WWOX: variants seen among roughly 807,000 people sequenced by gnomAD.
The protein encoded by WWOX is WW domain-containing oxidoreductase.
WWOX carries 69 observed loss-of-function variants against 46.2 expected under a neutral mutation model. The observed-to-expected ratio is 1.49, with a 90% CI of 1.23 to 1.82. WWOX has a LOEUF of 1.82. Ranked by LOEUF, WWOX falls within the 40% of genes most tolerant of loss-of-function variation. The probability of loss-of-function intolerance (pLI) is 0.00; values close to 1 mark genes in which losing one functional copy is unlikely to be tolerated. For synonymous variants in WWOX, 359 were observed against 202.6 expected (o/e 1.77, Z -6.56); for missense variants, 919 against 542.6 (o/e 1.69, Z -6.89).
rs116504601 is a variant in WWOX at position 78,540,818 on chromosome 16, G to A, written c.1056+108066G>A. Among the ~76,000 whole-genome samples the A allele has an allele frequency of 2.0e-3, 312 of 152,220 alleles. 2 individuals carry two copies. The highest frequency in any genetic ancestry group is 6.7e-3 in the African/African-American group (277 of 41,526). ...CTTCCCACCTCAGCCTGAGTAGATG[G>A]GACTACAGGCATGTGTCACCATGCC... On this transcript the variant is annotated intron_variant, in intron 8 of 8. Coordinates refer to ENST00000566780, the MANE Select transcript of WWOX (RefSeq NM_016373.4).
At chr16:78,955,208 C>G (rs1311239361) in intron 8 of WWOX, among the ~76,000 whole-genome samples, 6 of 152,302 alleles carry the variant, frequency 3.9e-5, no homozygotes, top group Non-Finnish European at 5.9e-5. Flanking sequence ...GGGCCATATG[C>G]TAGAGCTGCA....
chr16:78,814,365 A>C (rs540877910), intron 8 of WWOX, among the ~76,000 whole-genome samples: 54 of 152,156 alleles, frequency 3.5e-4, no homozygotes, highest in Admixed American at 5.2e-4. Context: ...TATTAATTCA[A>C]ATCATATTCA....
At chr16:78,611,433 T>G (rs528713028) in intron 8 of WWOX, among the ~76,000 whole-genome samples, 2 of 152,286 alleles carry the variant, frequency 1.3e-5, no homozygotes, top group African/African-American at 4.8e-5. Context: ...AATTCTTTGG[T>G]GCATTTTATT....
At chr16:78,172,835 A>G (rs1409087953) in intron 5 of WWOX, among the ~76,000 whole-genome samples, 1 of 152,188 alleles carries the variant, frequency 6.6e-6, no homozygotes, top group Non-Finnish European at 1.5e-5. Context: ...TAGTTTGAAG[A>G]GACGGATTTC....
intron 8 of WWOX, among the ~76,000 whole-genome samples, chr16:78,783,686 G>T (rs2050384412): frequency 6.6e-6 from 1 of 151,094 alleles, no homozygotes; most frequent in Admixed American, 6.6e-5. Context: ...ATAAAAGTAT[G>T]ATGATGATGA....
At chr16:78,175,603 G>A (rs2035317845) in intron 5 of WWOX, among the ~76,000 whole-genome samples, 1 of 152,152 alleles carries the variant, frequency 6.6e-6, no homozygotes, top group South Asian at 2.1e-4. Flanking sequence ...GAGGCCACCA[G>A]CCATGTATAT....
intron 5 of WWOX, among the ~76,000 whole-genome samples, chr16:78,204,656 T>C (rs776987803): frequency 6.6e-6 from 1 of 152,164 alleles, no homozygotes. Context: ...CAATCTTAGA[T>C]GCATAGTAGG....
intron 8 of WWOX, among the ~76,000 whole-genome samples, chr16:78,966,604 GT>G (rs2046367176): frequency 6.6e-6 from 1 of 151,866 alleles, no homozygotes; most frequent in Admixed American, 6.6e-5. Flanking sequence ...ACATGTGAAT[GT>G]TTTGAATCAA....
At chr16:78,573,425 A>T (rs1402559568) in intron 8 of WWOX, among the ~76,000 whole-genome samples, 5 of 152,246 alleles carry the variant, frequency 3.3e-5, no homozygotes, top group Admixed American at 1.3e-4. Flanking sequence ...TGATGAAAAC[A>T]TAAGAATGTG....
intron 8 of WWOX, chr16:78,897,830 C>G (rs986943205): frequency 3.3e-5 from 5 of 152,130 alleles, no homozygotes; most frequent in Admixed American, 6.5e-5. Context: ...CTCATCAGCA[C>G]TTTGTAATTT....
intron 8 of WWOX, among the ~76,000 whole-genome samples, chr16:79,139,813 C>G (rs1202152117): frequency 1.3e-5 from 2 of 152,262 alleles, no homozygotes; most frequent in East Asian, 3.9e-4. Flanking sequence ...GGGCACTTGC[C>G]CGAATGACTT....
chr16:78,926,724 G>C (rs1567654353), intron 8 of WWOX, among the ~76,000 whole-genome samples: 2 of 152,178 alleles, frequency 1.3e-5, no homozygotes, highest in African/African-American at 4.8e-5. Flanking sequence ...ACTTGATGGA[G>C]AAAAGTCTTT....
chr16:79,194,936 G>C (rs1487424512), intron 8 of WWOX, among the ~76,000 whole-genome samples: 2 of 152,130 alleles, frequency 1.3e-5, no homozygotes, highest in Admixed American at 1.3e-4. Context: ...CATGCAGGCA[G>C]AATGAGATGA....
intron 8 of WWOX, among the ~76,000 whole-genome samples, chr16:78,875,345 C>T (rs898468174): frequency 6.6e-6 from 1 of 152,170 alleles, no homozygotes; most frequent in African/African-American, 2.4e-5. Flanking sequence ...TAAGCCTTCT[C>T]TAGCTTTATG....
rs947403320 is a variant in WWOX at position 78,371,493 on chromosome 16, C to T, written c.517-15367C>T. ...AGTTGGTTTATACTCTTTTAATGGT[C>T]TGTTGACCATTTTATCTAAATATTC... On this transcript the variant is annotated intron_variant, in intron 5 of 8. Transcript: ENST00000566780. 4.6e-5 allele frequency among the ~76,000 whole-genome samples: 7 copies of T among 151,962 alleles called. No homozygotes were observed. In the East Asian group the frequency reaches 5.8e-4, roughly 13 times the overall value.
intron 8 of WWOX, among the ~76,000 whole-genome samples, chr16:79,039,359 C>G (rs938272698): frequency 1.3e-5 from 2 of 152,048 alleles, no homozygotes; most frequent in African/African-American, 2.4e-5. Flanking sequence ...TCATTGAGGA[C>G]TAAGTGGGAC....
chr16:79,200,340 T>A (rs2051322423), intron 8 of WWOX, among the ~76,000 whole-genome samples: 2 of 152,160 alleles, frequency 1.3e-5, no homozygotes, highest in Admixed American at 1.3e-4. Flanking sequence ...GAGGCCAGAT[T>A]TTCAAGTGTA....
chr16:79,055,947 T>A (rs949294348), intron 8 of WWOX, among the ~76,000 whole-genome samples: 1 of 152,214 alleles, frequency 6.6e-6, no homozygotes, highest in Admixed American at 6.5e-5. Flanking sequence ...TTCTCATAAA[T>A]ATTTGAGCTC....
At chr16:78,992,626 C>G (rs2046910718) in intron 8 of WWOX, among the ~76,000 whole-genome samples, 1 of 152,142 alleles carries the variant, frequency 6.6e-6, no homozygotes, top group South Asian at 2.1e-4. Flanking sequence ...CCCATCCCTT[C>G]CCATGATCCC....
Sources: gnomAD v4.1 joint callset for allele counts (sites outside exome capture counted in the v4.1 genomes callset) on GRCh38, gnomAD v4.1.1 for gene constraint, MANE v1.5 for transcripts, NCBI Gene and HGNC (gene_info 2026-07-23, HGNC 2026-07-21) for gene names.